The following TM4SF5 variants were observed in gnomAD, a reference collection of about 807,000 sequenced individuals.
The protein encoded by TM4SF5 is transmembrane 4 L6 family member 5.
TM4SF5 carries 16 observed loss-of-function variants against 22.3 expected under a neutral mutation model. The ratio of observed to expected loss-of-function variants is 0.72; its 90% confidence interval spans 0.49 to 1.09. The LOEUF (loss-of-function observed/expected upper bound fraction) is 1.09, where lower values mean the gene tolerates loss of function less well. Ranked by LOEUF, TM4SF5 falls within the 50% of genes least tolerant of loss-of-function variation. The pLI is 0.00. For synonymous variants in TM4SF5, 113 were observed against 109.6 expected, an observed-to-expected ratio of 1.03 and a Z score of -0.19; for missense variants, 249 against 266.1, an observed-to-expected ratio of 0.94 and a Z score of 0.45.
In TM4SF5 at chr17:4,780,818, G is replaced by T. The variant is rs1315846693; in HGVS notation, c.207G>T (p.Arg69=). Residue 69 remains arginine (R), a synonymous_variant, in exon 2 of 5, where the codon CGG becomes CGT. Coordinates refer to ENST00000270560, the MANE Select transcript of TM4SF5 (RefSeq NM_003963.3). Reference sequence around the variant, plus strand: ...TGTGTCCGGGGATTGCAGCCGTTCGGGCAGGGGGCAAGGGCTGCTGTGGTG... The same window carrying T: ...TGTGTCCGGGGATTGCAGCCGTTCGTGCAGGGGGCAAGGGCTGCTGTGGTG... ...MVLCPGIAAV[R]AGGKGCCGAG... 5 of 1,610,568 alleles carry T rather than the reference G, an allele frequency of 3.1e-6. 1 individual carries two copies. Among genetic ancestry groups the T allele is most frequent in the Non-Finnish European group, 4.2e-6 (5 of 1,178,450 alleles).
intron 3 of TM4SF5, 91 bp downstream of exon 3, chr17:4,782,730 C>T (rs1917336180): frequency 6.3e-7 from 1 of 1,581,648 alleles, no homozygotes; most frequent in Non-Finnish European, 8.6e-7. Context: ...CGGGACTCGA[C>T]TTCGAGGGCA....
Position 4,782,928 on chromosome 17 carries a change from C to T in TM4SF5, c.470C>T (p.Thr157Met), listed in dbSNP as rs1917343828. 2.5e-6 allele frequency: 4 copies of T among 1,614,240 alleles called. No individual in the cohort carries two copies. Among genetic ancestry groups the T allele is most frequent in the Non-Finnish European group, 3.4e-6 (4 of 1,180,050 alleles). The change falls in exon 4 of 5, where the codon ACG becomes ATG. Residue 157 changes from threonine to methionine, a missense_variant. Physicochemically the swap from Thr to Met is moderately conservative, Grantham distance 81. Transcript: ENST00000270560. Reference protein sequence around the residue: ...APPRVVPWNVTLFSLLVAASC... With the variant: ...APPRVVPWNVMLFSLLVAASC... ...CCTCGCGTGGTCCCCTGGAATGTGA[C>T]GCTCTTCTCGCTGCTGGTGGCCGCC...
At chr17:4,782,442 G>T in intron 2 of TM4SF5, 61 bp from the exon 3 acceptor site, 1 of 1,597,142 alleles carries the variant, frequency 6.3e-7, no homozygotes, top group South Asian at 1.1e-5. Flanking sequence ...GGCTGGCGCT[G>T]AGCGTCGTCA....
rs765370374 is a variant in TM4SF5, at chr17:4,782,837, C to T, written c.396-17C>T. The T allele has an allele frequency of 8.1e-6, 13 of 1,606,110 alleles. 1 individual carries two copies. In the South Asian group the frequency reaches 1.1e-4, roughly 14 times the overall value. Reference sequence around the variant, plus strand: ...GCGCACGCTGCCTTCTCCCACGTGGCCTCACCCCTCCCACAGGGGAGCTTA... The same window carrying T: ...GCGCACGCTGCCTTCTCCCACGTGGTCTCACCCCTCCCACAGGGGAGCTTA... On this transcript the variant is annotated splice_polypyrimidine_tract_variant and intron_variant, in intron 3 of 4. Transcript: ENST00000270560.
chr17:4,782,743 C>G, intron 3 of TM4SF5, 104 bp downstream of exon 3: 7 of 1,573,564 alleles, frequency 4.4e-6, no homozygotes, highest in Middle Eastern at 1.7e-4. Flanking sequence ...CGAGGGCACT[C>G]GCTCCACGTG....
intron 2 of TM4SF5, 35 bp downstream of exon 2, chr17:4,780,904 G>A (rs755080532): frequency 1.6e-5 from 26 of 1,588,252 alleles, no homozygotes; most frequent in East Asian, 2.3e-5. Flanking sequence ...TCAGGGCTGG[G>A]GGTGGTGTCT....
intron 2 of TM4SF5, among the ~76,000 whole-genome samples, chr17:4,781,822 A>C (rs1217954304): frequency 6.6e-6 from 1 of 151,964 alleles, no homozygotes; most frequent in African/African-American, 2.4e-5. Flanking sequence ...GCCTCGAGTC[A>C]GGTTTAAAAT....
chr17:4,779,478 G>C (rs1917261728), intron 1 of TM4SF5, among the ~76,000 whole-genome samples: 1 of 152,068 alleles, frequency 6.6e-6, no homozygotes, highest in Non-Finnish European at 1.5e-5. Context: ...ATAGAGGATA[G>C]AGTGTAGGGT....
At chr17:4,782,737 G>A (rs1917336430) in intron 3 of TM4SF5, 98 bp downstream of exon 3, 1 of 1,576,984 alleles carries the variant, frequency 6.3e-7, no homozygotes, top group Non-Finnish European at 8.6e-7. Flanking sequence ...CGACTTCGAG[G>A]GCACTCGCTC....
Position 4,782,874 on chromosome 17 carries a change from G to A in TM4SF5, c.416G>A (p.Arg139His), listed in dbSNP as rs1353622687. 3.1e-6 allele frequency: 5 copies of A among 1,613,454 alleles called. No individual in the cohort carries two copies. Among genetic ancestry groups the A allele is most frequent in the African/African-American group, 1.3e-5 (1 of 74,914 alleles). The change falls in exon 4 of 5, where the codon CGC becomes CAC. Residue 139 changes from arginine to histidine, a missense_variant. Physicochemically the swap from Arg to His is conservative, Grantham distance 29. Coordinates refer to ENST00000270560, the MANE Select transcript of TM4SF5 (RefSeq NM_003963.3). ...EDTAGAYLLN[R>H]TLWDRCEAPP... is the part of the protein sequence containing the mutation. ...CACAGGGGAGCTTACTTGCTCAACC[G>A]CACTCTATGGGATCGGTGCGAGGCG... is the stretch of plus-strand genomic sequence containing the variant.
chr17:4,781,135 TAAAAAAAAAAAA>T (rs541886050), intron 2 of TM4SF5, among the ~76,000 whole-genome samples: 136 of 125,156 alleles, frequency 1.1e-3, no homozygotes, highest in South Asian at 8.8e-3. Context: ...AGCAGTGATT[TAAAAAAAAAAAA>T]AAAAAAAAAA....
chr17:4,778,871 C>G (rs1011737056), intron 1 of TM4SF5, among the ~76,000 whole-genome samples: 1 of 151,994 alleles, frequency 6.6e-6, no homozygotes, highest in South Asian at 2.1e-4. Context: ...TTCTGGCCAA[C>G]ATGATGAAAC....
intron 1 of TM4SF5, among the ~76,000 whole-genome samples, chr17:4,772,474 G>C (rs1159138837): frequency 6.6e-6 from 1 of 152,168 alleles, no homozygotes; most frequent in Non-Finnish European, 1.5e-5. Context: ...ACAGGCATGA[G>C]GGTGGGGCGC....
chr17:4,772,413 G>A (rs756734265), intron 1 of TM4SF5, among the ~76,000 whole-genome samples: 53 of 152,350 alleles, frequency 3.5e-4, no homozygotes, highest in Non-Finnish European at 6.8e-4. Flanking sequence ...TACAATGGTC[G>A]AGGCAGAAGG....
intron 1 of TM4SF5, among the ~76,000 whole-genome samples, chr17:4,774,015 A>G (rs1917165282): frequency 6.6e-6 from 1 of 152,160 alleles, no homozygotes; most frequent in African/African-American, 2.4e-5. Context: ...CAGGAGTTCA[A>G]GACCAGCCTG....
intron 1 of TM4SF5, among the ~76,000 whole-genome samples, chr17:4,779,032 G>A (rs1367321369): frequency 6.7e-6 from 1 of 149,256 alleles, no homozygotes; most frequent in Non-Finnish European, 1.5e-5. Context: ...ACTCCAACCT[G>A]GTGACAGAGT....
At chr17:4,776,269 T>C (rs1917203213) in intron 1 of TM4SF5, among the ~76,000 whole-genome samples, 1 of 149,766 alleles carries the variant, frequency 6.7e-6, no homozygotes, top group African/African-American at 2.6e-5. Flanking sequence ...ATTTATACAT[T>C]CTACTGTTTG....
Position 4,782,885 on chromosome 17 carries a change from G to A in TM4SF5, c.427G>A (p.Asp143Asn), listed in dbSNP as rs369909538. 1 of 1,614,122 alleles carries A rather than the reference G, an allele frequency of 6.2e-7. No homozygotes were observed. Among genetic ancestry groups the A allele is most frequent in the East Asian group, 2.2e-5 (1 of 44,878 alleles). ...GAYLLNRTLW[D>N]RCEAPPRVVP... ...TTACTTGCTCAACCGCACTCTATGGGATCGGTGCGAGGCGCCCCCTCGCGT... is the reference window on the plus strand; with the variant it reads ...TTACTTGCTCAACCGCACTCTATGGAATCGGTGCGAGGCGCCCCCTCGCGT... Residue 143 changes from aspartate to asparagine, a missense_variant, in exon 4 of 5, where the codon GAT becomes AAT. Transcript: ENST00000270560.
At position 4,782,922 on chromosome 17, in the gene TM4SF5, A is replaced by C. The variant is rs777312285; in HGVS notation, c.464A>C (p.Asn155Thr). 58 of 1,614,072 alleles carry C rather than the reference A, an allele frequency of 3.6e-5. No homozygotes were observed. The highest frequency in any genetic ancestry group is 4.2e-5 in the Non-Finnish European group (50 of 1,180,044). The change falls in exon 4 of 5, where the codon AAT becomes ACT. Residue 155 changes from asparagine (N) to threonine (T), a missense_variant. Physicochemically the swap from Asn to Thr is moderately conservative, Grantham distance 65. Coordinates refer to ENST00000270560, the MANE Select transcript of TM4SF5 (RefSeq NM_003963.3). ...CEAPPRVVPWNVTLFSLLVAA... is the reference protein window; with the variant it reads ...CEAPPRVVPWTVTLFSLLVAA... Reference sequence around the variant, plus strand: ...GCGCCCCCTCGCGTGGTCCCCTGGAATGTGACGCTCTTCTCGCTGCTGGTG... The same window carrying C: ...GCGCCCCCTCGCGTGGTCCCCTGGACTGTGACGCTCTTCTCGCTGCTGGTG...
Sources: allele counts gnomAD v4.1 joint callset (sites outside exome capture counted in the v4.1 genomes callset), GRCh38; gene constraint gnomAD v4.1.1; transcripts MANE v1.5; gene names NCBI Gene and HGNC (gene_info 2026-07-23, HGNC 2026-07-21).